CELF2: variants seen among roughly 807,000 people sequenced by gnomAD.
CELF2 encodes the protein CUG triplet repeat RNA-binding protein 2.
A neutral mutation model predicts 62.6 loss-of-function variants in CELF2; 8 were observed. That is an observed-to-expected ratio of 0.13 (90% CI 0.07 to 0.23). The LOEUF (loss-of-function observed/expected upper bound fraction) is 0.23, where lower values mean the gene tolerates loss of function less well. Ranked by LOEUF, CELF2 falls within the 10% of genes least tolerant of loss-of-function variation. The pLI is 1.00. For missense variants in CELF2, 333 were observed against 671.0 expected (o/e 0.50, Z 5.56); for synonymous variants, 258 against 250.0 (o/e 1.03, Z -0.30).
the CELF2 span, among the ~76,000 whole-genome samples, chr10:10,726,348 C>G: frequency 6.6e-6 from 1 of 152,200 alleles, no homozygotes; most frequent in Non-Finnish European, 1.5e-5. Context: ...TTGTGCTTCT[C>G]TTGATCCTCT....
At chr10:10,693,830 T>C in the CELF2 span, among the ~76,000 whole-genome samples, 1 of 152,030 alleles carries the variant, frequency 6.6e-6, no homozygotes, top group East Asian at 1.9e-4. Flanking sequence ...TGATGGTAGT[T>C]TGTATTTCCG....
intron 1 of CELF2, among the ~76,000 whole-genome samples, chr10:11,155,294 A>C (rs542122923): frequency 1.3e-5 from 2 of 152,206 alleles, no homozygotes; most frequent in Non-Finnish European, 2.9e-5. Flanking sequence ...GGGAATGGCT[A>C]GGGAACACAT....
rs2087897152 is a variant in CELF2, at chr10:11,280,288, A to T, written c.841+5168A>T. On this transcript the variant is annotated intron_variant, in intron 8 of 12. Transcript: ENST00000633077. The surrounding 1 kb of genome is among the most constrained non-coding windows in gnomAD (Gnocchi z 7.6). ...AGTTGCAGGAGAGGCCCCGCGCCCC[A>T]TCCAGGAGCAGGCCTGCGCCTGACA... 6.6e-6 allele frequency among the ~76,000 whole-genome samples: 1 copy of T among 152,150 alleles called. No homozygotes were observed. Among genetic ancestry groups the T allele is most frequent in the Non-Finnish European group, 1.5e-5 (1 of 68,026 alleles).
At chr10:10,524,425 G>C in the CELF2 span, among the ~76,000 whole-genome samples, 1 of 150,052 alleles carries the variant, frequency 6.7e-6, no homozygotes, top group Admixed American at 6.7e-5. Context: ...ATGAACACAG[G>C]TTCACAGGCC....
chr10:11,100,281 A>T (rs2051199662), intron 1 of CELF2, among the ~76,000 whole-genome samples: 1 of 152,110 alleles, frequency 6.6e-6, no homozygotes, highest in Non-Finnish European at 1.5e-5. Flanking sequence ...CAACAAGTTG[A>T]TGATGTGGAA....
chr10:11,328,796 A>T lies in CELF2; in HGVS notation c.1439-130A>T, dbSNP rs1591703679. 1 of 1,016,630 alleles carries T rather than the reference A, an allele frequency of 9.8e-7. No homozygotes were observed. Among genetic ancestry groups the T allele is most frequent in the South Asian group, 1.6e-5 (1 of 60,674 alleles). 63.0% of individuals were successfully genotyped at this position (1,016,630 alleles called of 1,614,324 possible). Reference sequence around the variant, plus strand: ...ACGGTGGACTCACGATCAGTTCCGCAGAGCTGTGCTGGGCCCGTGGGGCTG... The same window carrying T: ...ACGGTGGACTCACGATCAGTTCCGCTGAGCTGTGCTGGGCCCGTGGGGCTG... On this transcript the variant is annotated intron_variant, in intron 12 of 12. Coordinates refer to ENST00000633077, the MANE Select transcript of CELF2 (RefSeq NM_001326342.2). This position sits in a 1 kb window ranked among gnomAD's most constrained non-coding sequence, Gnocchi z 6.4.
intron 2 of CELF2, among the ~76,000 whole-genome samples, chr10:10,967,571 G>T (rs1321966041): frequency 2.6e-5 from 4 of 152,212 alleles, no homozygotes; most frequent in African/African-American, 9.6e-5. Flanking sequence ...CACAATACAT[G>T]TGTGACCCTG....
Position 10,890,029 on chromosome 10 carries a change from C to T in CELF2, c.54-29935C>T, listed in dbSNP as rs556124591. Among the ~76,000 whole-genome samples the T allele has an allele frequency of 7.9e-5, 12 of 152,212 alleles. 1 individual carries two copies. The South Asian group carries it at 1.2e-3, about 16-fold the overall frequency. ...AGTATACAGTTTCCTGAGATGGAAA[C>T]GATGGGGTCAGGGTCACAATGAGGA... On this transcript the variant is annotated intron_variant, in intron 1 of 13. Transcript: ENST00000636488.
chr10:11,230,032 C>T (rs2068059066), intron 3 of CELF2, among the ~76,000 whole-genome samples: 1 of 152,136 alleles, frequency 6.6e-6, no homozygotes, highest in Non-Finnish European at 1.5e-5. Flanking sequence ...TCTGGATGTA[C>T]AGGCACTGAC....
intron 3 of CELF2, among the ~76,000 whole-genome samples, chr10:11,235,478 A>G (rs1248887645): frequency 6.6e-6 from 1 of 152,254 alleles, no homozygotes; most frequent in African/African-American, 2.4e-5. Context: ...AACCTTAGTC[A>G]TAATTTCTCT....
Position 11,291,229 on chromosome 10 carries a change from A to T in CELF2, c.976+2677A>T, listed in dbSNP as rs140361285. ...TGTCTCTTAAGCTTCAGACAAATTCATCTGGAAAGCAAAGGGACAATTCAA... is the reference window on the plus strand; with the variant it reads ...TGTCTCTTAAGCTTCAGACAAATTCTTCTGGAAAGCAAAGGGACAATTCAA... On this transcript the variant is annotated intron_variant, in intron 9 of 12. Coordinates refer to ENST00000633077, the MANE Select transcript of CELF2 (RefSeq NM_001326342.2). Among the ~76,000 whole-genome samples the T allele has an allele frequency of 4.6e-5, 7 of 152,338 alleles. No homozygotes were observed. The East Asian group carries it at 1.3e-3, about 29-fold the overall frequency.
At chr10:11,253,163 C>T (rs2077636553) in intron 4 of CELF2, among the ~76,000 whole-genome samples, 1 of 152,182 alleles carries the variant, frequency 6.6e-6, no homozygotes, top group Admixed American at 6.5e-5. Flanking sequence ...ATGTCTTTGC[C>T]TCTTGCCGCA....
At chr10:10,548,073 G>A in the CELF2 span, among the ~76,000 whole-genome samples, 1 of 152,170 alleles carries the variant, frequency 6.6e-6, no homozygotes, top group Non-Finnish European at 1.5e-5. Context: ...AAAGGGGAAA[G>A]AGCCCTGAAT....
At chr10:10,828,710 T>C (rs1458129774) in intron 1 of CELF2, among the ~76,000 whole-genome samples, 1 of 152,234 alleles carries the variant, frequency 6.6e-6, no homozygotes, top group Admixed American at 6.5e-5. Context: ...TGGTCACTCA[T>C]TTATAAAACC....
chr10:10,645,751 C>T, the CELF2 span, among the ~76,000 whole-genome samples: 1 of 152,204 alleles, frequency 6.6e-6, no homozygotes, highest in Non-Finnish European at 1.5e-5. Flanking sequence ...CCTGTGCCTA[C>T]AAAGTGCCTG....
chr10:11,047,853 C>G (rs1254173395), intron 1 of CELF2, among the ~76,000 whole-genome samples: 1 of 152,138 alleles, frequency 6.6e-6, no homozygotes, highest in Non-Finnish European at 1.5e-5. Context: ...ATTTACCCAT[C>G]ATGTTACTGT....
At chr10:11,044,973 C>T (rs1182236410) in intron 1 of CELF2, among the ~76,000 whole-genome samples, 1 of 152,164 alleles carries the variant, frequency 6.6e-6, no homozygotes, top group Non-Finnish European at 1.5e-5. Flanking sequence ...GCCTTCCAGG[C>T]CTCTACTCGC....
At chr10:10,537,787 A>G in the CELF2 span, among the ~76,000 whole-genome samples, 12 of 152,054 alleles carry the variant, frequency 7.9e-5, no homozygotes, top group African/African-American at 2.7e-4. Flanking sequence ...CCCATGAACA[A>G]CTGACATTTT....
At position 11,008,580 on chromosome 10, in the gene CELF2, A is replaced by T. The variant is rs1467573925; in HGVS notation, c.53+3140A>T. Among the ~76,000 whole-genome samples, 1 of 152,206 alleles carries T rather than the reference A, an allele frequency of 6.6e-6. No homozygotes were observed. The highest frequency in any genetic ancestry group is 2.4e-5 in the African/African-American group (1 of 41,456). On this transcript the variant is annotated intron_variant, in intron 1 of 12. Transcript: ENST00000416382. This position sits in a 1 kb window ranked among gnomAD's most constrained non-coding sequence, Gnocchi z 4.5. ...TTCAAAGAGTGAATCAATACTAATTATTGTAATCAGGGGGGTTAATTAGGT... is the reference window on the plus strand; with the variant it reads ...TTCAAAGAGTGAATCAATACTAATTTTTGTAATCAGGGGGGTTAATTAGGT...
Sources: allele counts gnomAD v4.1 joint callset (sites outside exome capture counted in the v4.1 genomes callset), GRCh38; gene constraint gnomAD v4.1.1; non-coding constraint Gnocchi (gnomAD v3.1); transcripts MANE v1.5; gene names NCBI Gene and HGNC (gene_info 2026-07-23, HGNC 2026-07-21).